MTUS2: variants seen among roughly 807,000 people sequenced by gnomAD.
MTUS2 encodes microtubule associated scaffold protein 2.
In MTUS2, 40 loss-of-function variants were observed where a neutral mutation model predicts 114.1. That is an observed-to-expected ratio of 0.35 (90% CI 0.27 to 0.46). The LOEUF (loss-of-function observed/expected upper bound fraction) is 0.46. MTUS2 is among the 20% of genes least tolerant of loss of function. The probability of loss-of-function intolerance (pLI) is 1.00; values close to 1 mark genes in which losing one functional copy is unlikely to be tolerated. For synonymous variants in MTUS2, 688 were observed against 672.0 expected, an observed-to-expected ratio of 1.02 and a Z score of -0.37; for missense variants, 1,679 against 1,705.4, an observed-to-expected ratio of 0.98 and a Z score of 0.27.
intron 8 of MTUS2, among the ~76,000 whole-genome samples, chr13:29,412,339 G>C (rs183195736): frequency 6.6e-6 from 1 of 152,244 alleles, no homozygotes; most frequent in East Asian, 1.9e-4. Flanking sequence ...AGCATCTATG[G>C]AGATAATAAT....
intron 4 of MTUS2, among the ~76,000 whole-genome samples, chr13:29,098,689 A>G (rs1460124511): frequency 6.6e-6 from 1 of 152,222 alleles, no homozygotes; most frequent in African/African-American, 2.4e-5. Flanking sequence ...GTGCAGAATA[A>G]GATAAATTTC....
At chr13:29,341,373 G>C (rs4769723) in intron 7 of MTUS2, among the ~76,000 whole-genome samples, 5 of 152,044 alleles carry the variant, frequency 3.3e-5, no homozygotes, top group African/African-American at 4.8e-5. Context: ...TTATCGCATT[G>C]TGGCTTTGAT....
chr13:29,292,120 G>A (rs1898742039), intron 6 of MTUS2, among the ~76,000 whole-genome samples: 1 of 152,170 alleles, frequency 6.6e-6, no homozygotes, highest in South Asian at 2.1e-4. Context: ...TTGGGACTGT[G>A]AGGTGTTTGA....
At chr13:28,940,546 C>T (rs1203724723) in intron 2 of MTUS2, among the ~76,000 whole-genome samples, 1 of 151,958 alleles carries the variant, frequency 6.6e-6, no homozygotes, top group Non-Finnish European at 1.5e-5. Context: ...ATAACTTTGA[C>T]TACTATATTC....
intron 4 of MTUS2, among the ~76,000 whole-genome samples, chr13:29,068,636 C>A (rs1888771342): frequency 6.6e-6 from 1 of 152,088 alleles, no homozygotes; most frequent in Non-Finnish European, 1.5e-5. Context: ...AATTCAACCC[C>A]CAGTTGAAGT....
At chr13:29,461,141 G>T (rs1162989575) in intron 9 of MTUS2, among the ~76,000 whole-genome samples, 1 of 152,110 alleles carries the variant, frequency 6.6e-6, no homozygotes, top group Non-Finnish European at 1.5e-5. Flanking sequence ...TCATACCATG[G>T]CAGAAGGCAG....
chr13:29,290,655 C>T (rs1180286287), intron 6 of MTUS2, among the ~76,000 whole-genome samples: 4 of 152,128 alleles, frequency 2.6e-5, no homozygotes, highest in Non-Finnish European at 4.4e-5. Flanking sequence ...ACCCCATTCC[C>T]TCCCACACAA....
At chr13:29,313,214 T>C (rs998768653) in intron 6 of MTUS2, among the ~76,000 whole-genome samples, 4 of 152,080 alleles carry the variant, frequency 2.6e-5, no homozygotes, top group Non-Finnish European at 5.9e-5. Context: ...ACAGGAGGCA[T>C]GGCACTGGTG....
At chr13:29,319,481 A>G (rs1900162056) in intron 6 of MTUS2, among the ~76,000 whole-genome samples, 1 of 152,206 alleles carries the variant, frequency 6.6e-6, no homozygotes, top group Admixed American at 6.5e-5. Context: ...TTGGGCATCT[A>G]TCGAGTAGAG....
At position 29,496,150 on chromosome 13, in the gene MTUS2, G is replaced by A. The variant is rs1882541060; in HGVS notation, c.3580-1088G>A. ...CATGGCCAGAGCTGAGTGGGGCAGG[G>A]TCAGTGCAGGTGCATCTGCCCTGGG... On this transcript the variant is annotated intron_variant, in intron 12 of 15. Coordinates refer to ENST00000612955, the MANE Select transcript of MTUS2 (RefSeq NM_001033602.4). This position sits in a 1 kb window ranked among gnomAD's most constrained non-coding sequence, Gnocchi z 4.3. Among the ~76,000 whole-genome samples the A allele has an allele frequency of 6.6e-6, 1 of 152,166 alleles. No homozygotes were observed. Among genetic ancestry groups the A allele is most frequent in the African/African-American group, 2.4e-5 (1 of 41,432 alleles).
At chr13:29,005,816 C>G (rs774066399) in intron 2 of MTUS2, among the ~76,000 whole-genome samples, 2 of 152,238 alleles carry the variant, frequency 1.3e-5, no homozygotes, top group East Asian at 1.9e-4. Context: ...ACTTCTGTGT[C>G]TTGTAAGGCT....
At chr13:29,243,837 G>C (rs1006666973) in intron 5 of MTUS2, among the ~76,000 whole-genome samples, 1 of 152,194 alleles carries the variant, frequency 6.6e-6, no homozygotes, top group African/African-American at 2.4e-5. Flanking sequence ...GATACAATTT[G>C]TATAGCTCCC....
intron 6 of MTUS2, among the ~76,000 whole-genome samples, chr13:29,287,676 C>G (rs990847064): frequency 6.6e-6 from 1 of 152,244 alleles, no homozygotes; most frequent in Admixed American, 6.5e-5. Context: ...CTACAGGCAT[C>G]TGATATTTAC....
chr13:29,016,430 C>T (rs946309980), intron 2 of MTUS2, among the ~76,000 whole-genome samples: 3 of 150,978 alleles, frequency 2.0e-5, no homozygotes, highest in African/African-American at 7.3e-5. Flanking sequence ...GAGAAATATG[C>T]AGCATTTTTA....
At chr13:29,061,195 C>G (rs936144296) in intron 4 of MTUS2, among the ~76,000 whole-genome samples, 1 of 152,164 alleles carries the variant, frequency 6.6e-6, no homozygotes, top group African/African-American at 2.4e-5. Flanking sequence ...TTATTGAACT[C>G]ATTCTGGCAG....
chr13:29,413,261 G>A (rs1875402654), intron 8 of MTUS2, among the ~76,000 whole-genome samples: 1 of 152,084 alleles, frequency 6.6e-6, no homozygotes, highest in East Asian at 1.9e-4. Context: ...AAAGCTCAAG[G>A]GCAATTTATA....
At chr13:29,042,315 C>T (rs1486669451) in intron 4 of MTUS2, among the ~76,000 whole-genome samples, 5 of 152,102 alleles carry the variant, frequency 3.3e-5, no homozygotes, top group Non-Finnish European at 4.4e-5. Flanking sequence ...TACTATGAAA[C>T]GCACTTGATC....
intron 4 of MTUS2, among the ~76,000 whole-genome samples, chr13:29,086,101 C>T (rs1889680254): frequency 1.3e-5 from 2 of 152,232 alleles, no homozygotes; most frequent in Middle Eastern, 3.4e-3. Flanking sequence ...AGTGTCTATT[C>T]ATGTTCTTTG....
chr13:29,011,754 C>T (rs183790433), intron 2 of MTUS2, among the ~76,000 whole-genome samples: 34 of 152,318 alleles, frequency 2.2e-4, no homozygotes, highest in Non-Finnish European at 3.2e-4. Context: ...TCTTTCCAGA[C>T]GGGCCCTGGA....
Sources: allele counts gnomAD v4.1 joint callset (sites outside exome capture counted in the v4.1 genomes callset), GRCh38; gene constraint gnomAD v4.1.1; non-coding constraint Gnocchi (gnomAD v3.1); transcripts MANE v1.5; gene names NCBI Gene and HGNC (gene_info 2026-07-23, HGNC 2026-07-21).